SRSF8: variants seen among roughly 807,000 people sequenced by gnomAD.
SRSF8 encodes serine/arginine-rich splicing factor 8.
SRSF8 carries 3 observed loss-of-function variants against 2.0 expected under a neutral mutation model. The ratio of observed to expected loss-of-function variants is 1.47; its 90% CI spans 0.67 to 3.79. The LOEUF (loss-of-function observed/expected upper bound fraction) is 3.79. Ranked by LOEUF, SRSF8 falls within the 30% of genes most tolerant of loss-of-function variation. The probability of loss-of-function intolerance (pLI) is 0.02; values close to 1 mark genes in which losing one functional copy is unlikely to be tolerated. For missense variants in SRSF8, 408 were observed against 410.9 expected, an observed-to-expected ratio of 0.99 and a Z score of 0.06; for synonymous variants, 162 against 170.7, an observed-to-expected ratio of 0.95 and a Z score of 0.40.
chr11:95,069,541 A>T lies in SRSF8; in HGVS notation c.*1466A>T, dbSNP rs1263708903. ...ATTAATATTTTTGACTGAATTATCAATTAAAAATATTTCATTCCCTTTGTG... is the reference window on the plus strand; with the variant it reads ...ATTAATATTTTTGACTGAATTATCATTTAAAAATATTTCATTCCCTTTGTG... On this transcript the variant is annotated 3_prime_UTR_variant, in exon 1 of 1. Transcript: ENST00000587424. 6.0e-6 allele frequency: 1 copy of T among 167,100 alleles called. No individual in the cohort carries two copies. Among genetic ancestry groups the T allele is most frequent in the Non-Finnish European group, 1.5e-5 (1 of 68,130 alleles). The allele number at this position is 167,100 out of a possible 1,614,324, so 10.4% of individuals were successfully genotyped here.
Position 95,068,135 on chromosome 11 carries a change from C to T in SRSF8, c.*60C>T. 2 of 1,496,282 alleles carry T rather than the reference C, an allele frequency of 1.3e-6. No homozygotes were observed. Among genetic ancestry groups the T allele is most frequent in the Non-Finnish European group, 9.1e-7 (1 of 1,098,388 alleles). 92.7% of individuals were successfully genotyped at this position (1,496,282 alleles called of 1,614,324 possible). A position where few individuals can be genotyped will look rare whatever the true frequency, so the allele number is the denominator to read the frequency against. On this transcript the variant is annotated 3_prime_UTR_variant, in exon 1 of 1. Transcript: ENST00000587424. The stretch of plus-strand genomic sequence containing the variant: ...ACTTGGGGGAAAAGGATCACATACT[C>T]AGTCTATGGAAGCAACGTCCCTGGA...
rs1436995443 is a variant in SRSF8, at chr11:95,067,562, C to T, written c.336C>T (p.Gly112=). The stretch of plus-strand genomic sequence containing the variant: ...AGCCACGCGGCAGGTCCAGAGGCGG[C>T]GGCTACGGACGGCGGAGCCGCAGCT... The part of the protein sequence containing the change: ...QGEPRGRSRG[G]GYGRRSRSYG... Residue 112 remains glycine, a synonymous_variant, in exon 1 of 1, where the codon GGC becomes GGT. Transcript: ENST00000587424. The T allele has an allele frequency of 1.9e-6, 3 of 1,539,852 alleles. No homozygotes were observed. The highest frequency in any genetic ancestry group is 8.7e-7 in the Non-Finnish European group (1 of 1,143,968).
chr11:95,069,930 T>G lies in SRSF8; in HGVS notation c.*1855T>G, dbSNP rs1212038873. On this transcript the variant is annotated 3_prime_UTR_variant, in exon 1 of 1. Transcript: ENST00000587424. Reference sequence around the variant, plus strand: ...GACGGGGACGGGGCAGCCCTAAGGGTAGGGAAGCATTGTCAATTTCTGGGG... The same window carrying G: ...GACGGGGACGGGGCAGCCCTAAGGGGAGGGAAGCATTGTCAATTTCTGGGG... 6.0e-6 allele frequency: 1 copy of G among 166,770 alleles called. No homozygotes were observed. Among genetic ancestry groups the G allele is most frequent in the Non-Finnish European group, 1.5e-5 (1 of 68,042 alleles). The allele number at this position is 166,770 out of a possible 1,614,324, so 10.3% of individuals were successfully genotyped here. A position where few individuals can be genotyped will look rare whatever the true frequency, so the allele number is the denominator to read the frequency against.
Position 95,067,992 on chromosome 11 carries a change from G to A in SRSF8, c.766G>A (p.Val256Ile). The A allele has an allele frequency of 6.2e-7, 1 of 1,613,946 alleles. No individual in the cohort carries two copies. Among genetic ancestry groups the A allele is most frequent in the African/African-American group, 1.3e-5 (1 of 75,032 alleles). ...SSSMTRSPPR[V>I]SKRKSKSRSR... ...ATCTATGACCAGGAGTCCTCCCCGG[G>A]TATCCAAGAGGAAATCCAAGTCAAG... The change falls in exon 1 of 1, where the codon GTA becomes ATA. Residue 256 changes from valine to isoleucine, a missense_variant. Physicochemically the swap from Val to Ile is conservative, Grantham distance 29. Around this residue, in one of 2 missense-constraint regions of SRSF8, gnomAD observed 346 missense variants for 316.5 expected, o/e 1.09. Transcript: ENST00000587424.
rs782565859 is a variant in SRSF8, at chr11:95,067,188, A to T, written c.-39A>T. 6 of 1,408,912 alleles carry T rather than the reference A, an allele frequency of 4.3e-6. No individual in the cohort carries two copies. The highest frequency in any genetic ancestry group is 5.6e-6 in the Non-Finnish European group (6 of 1,071,992). The allele number at this position is 1,408,912 out of a possible 1,614,324, so 87.3% of individuals were successfully genotyped here. A position where few individuals can be genotyped will look rare whatever the true frequency, so the allele number is the denominator to read the frequency against. Reference sequence around the variant, plus strand: ...CGCAGGTCGCACCGTCAGCGCCCAGAGCAGCGCCAGTTTCCGGGCCCGGGC... The same window carrying T: ...CGCAGGTCGCACCGTCAGCGCCCAGTGCAGCGCCAGTTTCCGGGCCCGGGC... On this transcript the variant is annotated 5_prime_UTR_variant, in exon 1 of 1. Coordinates refer to ENST00000587424, the MANE Select transcript of SRSF8 (RefSeq NM_032102.4).
rs1858692481 is a variant in SRSF8 at position 95,068,776 on chromosome 11, G to C, written c.*701G>C. 6.0e-6 allele frequency: 1 copy of C among 167,176 alleles called. No individual in the cohort carries two copies. The highest frequency in any genetic ancestry group is 1.5e-5 in the Non-Finnish European group (1 of 68,208). The allele number at this position is 167,176 out of a possible 1,614,324, so 10.4% of individuals were successfully genotyped here. ...TCCTGGGGAAAACACGCCTTGTCCTGAAGAACAAATGGCTGTCCAGTTTAT... is the reference window on the plus strand; with the variant it reads ...TCCTGGGGAAAACACGCCTTGTCCTCAAGAACAAATGGCTGTCCAGTTTAT... On this transcript the variant is annotated 3_prime_UTR_variant, in exon 1 of 1. Coordinates refer to ENST00000587424, the MANE Select transcript of SRSF8 (RefSeq NM_032102.4).
chr11:95,067,449 A>G lies in SRSF8; in HGVS notation c.223A>G (p.Met75Val), dbSNP rs1314889422. The change falls in exon 1 of 1, where the codon ATG (methionine) becomes GTG (valine). Residue 75 changes from methionine to valine, a missense_variant. Met to Val is a conservative substitution (Grantham distance 21). Transcript: ENST00000587424. ...CGACGCCCAAGACGCCGAGGCCGCC[A>G]TGGACGGGGCGGAGCTGGACGGACG... is the stretch of plus-strand genomic sequence containing the variant. ...RRDAQDAEAAMDGAELDGREL... is the reference protein window; with the variant it reads ...RRDAQDAEAAVDGAELDGREL... 5.4e-6 allele frequency: 8 copies of G among 1,485,590 alleles called. No homozygotes were observed. The African/African-American group carries it at 5.8e-5, about 11-fold the overall frequency. The allele number at this position is 1,485,590 out of a possible 1,614,324, so 92.0% of individuals were successfully genotyped here. A position where few individuals can be genotyped will look rare whatever the true frequency, so the allele number is the denominator to read the frequency against.
Position 95,069,612 on chromosome 11 carries a change from G to A in SRSF8, c.*1537G>A, listed in dbSNP as rs1398323487. ...GTTCGATTCTTGAATGAACTGGCAA[G>A]GTGGCTGTGGTCTGTAGATATACAT... On this transcript the variant is annotated 3_prime_UTR_variant, in exon 1 of 1. Coordinates refer to ENST00000587424, the MANE Select transcript of SRSF8 (RefSeq NM_032102.4). 2 of 167,040 alleles carry A rather than the reference G, an allele frequency of 1.2e-5. No homozygotes were observed. Among genetic ancestry groups the A allele is most frequent in the African/African-American group, 4.8e-5 (2 of 41,438 alleles). The allele number at this position is 167,040 out of a possible 1,614,324, so 10.3% of individuals were successfully genotyped here. A position where few individuals can be genotyped will look rare whatever the true frequency, so the allele number is the denominator to read the frequency against.
In SRSF8 at chr11:95,067,746, C is replaced by G; in HGVS notation, c.520C>G (p.Pro174Ala). The G allele has an allele frequency of 1.2e-6, 2 of 1,614,046 alleles. No homozygotes were observed. The highest frequency in any genetic ancestry group is 4.5e-5 in the East Asian group (2 of 44,888). ...PYSRSRYSRS[P>A]YSRSRYRESR... Reference sequence around the variant, plus strand: ...CAGCCGGTCGCGCTACAGCCGCTCTCCCTACAGCAGATCTCGCTACAGGGA... The same window carrying G: ...CAGCCGGTCGCGCTACAGCCGCTCTGCCTACAGCAGATCTCGCTACAGGGA... The change falls in exon 1 of 1, where the codon CCC becomes GCC. Residue 174 changes from proline to alanine, a missense_variant. By Grantham distance (27) the Pro-to-Ala change is conservative. Coordinates refer to ENST00000587424, the MANE Select transcript of SRSF8 (RefSeq NM_032102.4).
At position 95,067,359 on chromosome 11, in the gene SRSF8, A is replaced by C; in HGVS notation, c.133A>C (p.Ile45Leu). Residue 45 changes from isoleucine (I) to leucine (L), a missense_variant, in exon 1 of 1, where the codon ATC becomes CTC. By Grantham distance (5) the Ile-to-Leu change is conservative. Transcript: ENST00000587424. ...EKYGRVGDVY[I>L]PREPHTKAPR... ...GTACGGGCGCGTGGGCGACGTGTAC[A>C]TCCCGCGGGAGCCCCACACCAAGGC... 1.2e-6 allele frequency: 2 copies of C among 1,602,542 alleles called. No homozygotes were observed. Among genetic ancestry groups the C allele is most frequent in the Non-Finnish European group, 1.7e-6 (2 of 1,176,714 alleles).
Position 95,067,681 on chromosome 11 carries a change from G to A in SRSF8, c.455G>A (p.Gly152Asp), listed in dbSNP as rs782583844. The change falls in exon 1 of 1, where the codon GGT (glycine) becomes GAT (aspartate). Residue 152 changes from glycine to aspartate, a missense_variant. By Grantham distance (94) the Gly-to-Asp change is moderately conservative. Transcript: ENST00000587424. ...TCCCGCAGCCGATCTCGCTATAGGGGTTCTCGCTATAGCCGGTCTCCCTAC... is the reference window on the plus strand; with the variant it reads ...TCCCGCAGCCGATCTCGCTATAGGGATTCTCGCTATAGCCGGTCTCCCTAC... Reference protein sequence around the residue: ...SRSRSRSRYRGSRYSRSPYSR... With the variant: ...SRSRSRSRYRDSRYSRSPYSR... The A allele has an allele frequency of 1.2e-6, 2 of 1,613,740 alleles. No homozygotes were observed. Among genetic ancestry groups the A allele is most frequent in the Non-Finnish European group, 1.7e-6 (2 of 1,179,770 alleles).
Position 95,068,150 on chromosome 11 carries a change from A to G in SRSF8, c.*75A>G. On this transcript the variant is annotated 3_prime_UTR_variant, in exon 1 of 1. Coordinates refer to ENST00000587424, the MANE Select transcript of SRSF8 (RefSeq NM_032102.4). Reference sequence around the variant, plus strand: ...ATCACATACTCAGTCTATGGAAGCAACGTCCCTGGAAGAAGAGGCTGCCTA... The same window carrying G: ...ATCACATACTCAGTCTATGGAAGCAGCGTCCCTGGAAGAAGAGGCTGCCTA... 1.5e-6 allele frequency: 2 copies of G among 1,375,006 alleles called. No individual in the cohort carries two copies. Among genetic ancestry groups the G allele is most frequent in the Non-Finnish European group, 2.0e-6 (2 of 1,012,140 alleles). The allele number at this position is 1,375,006 out of a possible 1,614,324, so 85.2% of individuals were successfully genotyped here. A position where few individuals can be genotyped will look rare whatever the true frequency, so the allele number is the denominator to read the frequency against.
In SRSF8 at chr11:95,067,389, C is replaced by A; in HGVS notation, c.163C>A (p.Arg55=). 1 of 1,588,038 alleles carries A rather than the reference C, an allele frequency of 6.3e-7. No homozygotes were observed. Among genetic ancestry groups the A allele is most frequent in the East Asian group, 2.3e-5 (1 of 42,972 alleles). ...IPREPHTKAP[R]GFAFVRFHDR... is the part of the protein sequence containing the mutation. The stretch of plus-strand genomic sequence containing the variant: ...GCGGGAGCCCCACACCAAGGCGCCC[C>A]GGGGCTTCGCTTTCGTCCGCTTTCA... The change falls in exon 1 of 1, where the codon CGG becomes AGG. Residue 55 remains arginine, a synonymous_variant. Coordinates refer to ENST00000587424, the MANE Select transcript of SRSF8 (RefSeq NM_032102.4).
Position 95,067,541 on chromosome 11 carries a change from A to ACG in SRSF8, c.318_319dup (p.Gly107AlafsTer144). Reference sequence around the variant, plus strand: ...TGCCCCGCAGCCGCCAGGGAGAGCCACGCGGCAGGTCCAGAGGCGGCGGCT... The same window carrying ACG: ...TGCCCCGCAGCCGCCAGGGAGAGCCACGCGCGGCAGGTCCAGAGGCGGCGGCT... On this transcript the variant is annotated frameshift_variant, in exon 1 of 1. Transcript: ENST00000587424. LOFTEE classifies it low-confidence loss of function (END_TRUNC). 1 of 1,527,602 alleles carries ACG rather than the reference A, an allele frequency of 6.5e-7. No homozygotes were observed. Among genetic ancestry groups the ACG allele is most frequent in the Non-Finnish European group, 8.8e-7 (1 of 1,139,442 alleles). 94.6% of individuals were successfully genotyped at this position (1,527,602 alleles called of 1,614,324 possible).
rs148509938 is a variant in SRSF8 at position 95,068,202 on chromosome 11, A to G, written c.*127A>G. The G allele has an allele frequency of 2.4e-4, 239 of 991,194 alleles. 2 individuals carry two copies. The East Asian group carries it at 5.9e-3, about 24-fold the overall frequency. The allele number at this position is 991,194 out of a possible 1,614,324, so 61.4% of individuals were successfully genotyped here. A position where few individuals can be genotyped will look rare whatever the true frequency, so the allele number is the denominator to read the frequency against. On this transcript the variant is annotated 3_prime_UTR_variant, in exon 1 of 1. Coordinates refer to ENST00000587424, the MANE Select transcript of SRSF8 (RefSeq NM_032102.4). ...TGAAAAGGTTGTGTCACACTTTTCT[A>G]CCTTTTTGCCAGTTTGAAGCTTTGC... is the stretch of plus-strand genomic sequence containing the variant.
At position 95,069,893 on chromosome 11, in the gene SRSF8, G is replaced by A. The variant is rs1858709971; in HGVS notation, c.*1818G>A. 1 of 167,072 alleles carries A rather than the reference G, an allele frequency of 6.0e-6. No individual in the cohort carries two copies. The highest frequency in any genetic ancestry group is 6.5e-5 in the Admixed American group (1 of 15,274). 10.3% of individuals were successfully genotyped at this position (167,072 alleles called of 1,614,324 possible). A position where few individuals can be genotyped will look rare whatever the true frequency, so the allele number is the denominator to read the frequency against. ...GGGAGGTGAGGTATATTTATTAAAT[G>A]GGACCGAGTGGGACGGGGACGGGGC... is the stretch of plus-strand genomic sequence containing the variant. On this transcript the variant is annotated 3_prime_UTR_variant, in exon 1 of 1. Coordinates refer to ENST00000587424, the MANE Select transcript of SRSF8 (RefSeq NM_032102.4).
In SRSF8 at chr11:95,070,926, G is replaced by A. The variant is rs983969046; in HGVS notation, c.*2851G>A. The A allele has an allele frequency of 6.0e-6, 1 of 167,092 alleles. No individual in the cohort carries two copies. The highest frequency in any genetic ancestry group is 1.9e-4 in the East Asian group (1 of 5,208). 10.4% of individuals were successfully genotyped at this position (167,092 alleles called of 1,614,324 possible). A position where few individuals can be genotyped will look rare whatever the true frequency, so the allele number is the denominator to read the frequency against. On this transcript the variant is annotated 3_prime_UTR_variant, in exon 1 of 1. Coordinates refer to ENST00000587424, the MANE Select transcript of SRSF8 (RefSeq NM_032102.4). ...TAGTGAGTTGGGGAAGACTGGGCGT[G>A]GTGATGGGTGTAGAAATTGAGAAAG...
At position 95,067,756 on chromosome 11, in the gene SRSF8, GATCTCGCTACAGGGA is replaced by G. The variant is rs1555107184; in HGVS notation, c.541_555del (p.Arg181_Tyr185del). On this transcript the variant is annotated inframe_deletion, in exon 1 of 1. Coordinates refer to ENST00000587424, the MANE Select transcript of SRSF8 (RefSeq NM_032102.4). ...CGCTACAGCCGCTCTCCCTACAGCA[GATCTCGCTACAGGGA>G]ATCTCGCTACGGCGGATCTCACTAC... 5 of 1,614,056 alleles carry G rather than the reference GATCTCGCTACAGGGA, an allele frequency of 3.1e-6. No individual in the cohort carries two copies. The highest frequency in any genetic ancestry group is 4.2e-6 in the Non-Finnish European group (5 of 1,179,900).
Position 95,067,667 on chromosome 11 carries a change from ATCTCGCTATAGGGGT to A in SRSF8, c.453_467del (p.Arg151_Tyr155del), listed in dbSNP as rs782268546. Reference sequence around the variant, plus strand: ...CCAGCTGCTCCAGGTCCCGCAGCCGATCTCGCTATAGGGGTTCTCGCTATAGCCGGTCTCCCTACA... The same window carrying A: ...CCAGCTGCTCCAGGTCCCGCAGCCGATCTCGCTATAGCCGGTCTCCCTACA... On this transcript the variant is annotated inframe_deletion, in exon 1 of 1. Transcript: ENST00000587424. The A allele has an allele frequency of 5.0e-6, 8 of 1,612,460 alleles. No homozygotes were observed. The South Asian group carries it at 7.7e-5, about 16-fold the overall frequency.
Sources: gnomAD v4.1 joint callset for allele counts on GRCh38, gnomAD v4.1.1 for gene constraint, gnomAD v4.1.1 regional missense constraint, MANE v1.5 for transcripts, NCBI Gene and HGNC (gene_info 2026-07-23, HGNC 2026-07-21) for gene names.